SCUBE1: variants seen among roughly 807,000 people sequenced by gnomAD.
The protein encoded by SCUBE1 is signal peptide, CUB and EGF-like domain-containing protein 1.
A neutral mutation model predicts 124.4 loss-of-function variants in SCUBE1; 59 were observed. The ratio of observed to expected loss-of-function variants is 0.47; its 90% CI spans 0.38 to 0.59. The LOEUF (loss-of-function observed/expected upper bound fraction) is 0.59, where lower values mean the gene tolerates loss of function less well. SCUBE1 is among the 20% of genes least tolerant of loss of function. SCUBE1 has a pLI of 0.00. For synonymous variants in SCUBE1, 545 were observed against 550.9 expected (o/e 0.99, Z 0.15); for missense variants, 1,150 against 1,371.2 (o/e 0.84, Z 2.55).
intron 16 of SCUBE1, 43 bp downstream of exon 16, chr22:43,214,047 G>GGGCCCCCCCCCCC: frequency 2.1e-5 from 3 of 143,432 alleles, no homozygotes; most frequent in East Asian, 2.8e-4. Flanking sequence ...AGGAGCCCCC[G>GGGCCCCCCCCCCC]CCCACCCCCC....
intron 4 of SCUBE1, among the ~76,000 whole-genome samples, chr22:43,268,021 C>A (rs1924142536): frequency 6.6e-6 from 1 of 152,236 alleles, no homozygotes; most frequent in African/African-American, 2.4e-5. Flanking sequence ...ACTCTACCCC[C>A]TCTGCTGTGA....
At chr22:43,311,680 G>C (rs960121825) in intron 3 of SCUBE1, among the ~76,000 whole-genome samples, 1 of 151,918 alleles carries the variant, frequency 6.6e-6, no homozygotes, top group Non-Finnish European at 1.5e-5. Context: ...ACCCGCCTCG[G>C]TCTCTCAAAG....
rs1921918300 is a variant in SCUBE1, at chr22:43,218,136, G to A, written c.1891+119C>T. On this transcript the variant is annotated intron_variant, in intron 15 of 21. Coordinates refer to ENST00000360835, the MANE Select transcript of SCUBE1 (RefSeq NM_173050.5). The stretch of plus-strand genomic sequence containing the variant: ...CAGTCCTTCTCCCCGGCAGGCCTCT[G>A]CATCTCTCTGTCCCCTCCCCAGGTG... 7 of 923,942 alleles carry A rather than the reference G, an allele frequency of 7.6e-6. No homozygotes were observed. The Admixed American group carries it at 1.3e-4, about 17-fold the overall frequency. 57.2% of individuals were successfully genotyped at this position (923,942 alleles called of 1,614,324 possible).
At chr22:43,274,626 A>G (rs1463286084) in intron 4 of SCUBE1, among the ~76,000 whole-genome samples, 1 of 152,236 alleles carries the variant, frequency 6.6e-6, no homozygotes, top group Admixed American at 6.5e-5. Flanking sequence ...GTGTTCCCAC[A>G]GCAGCCCTGG....
chr22:43,198,149 A>G lies in SCUBE1; in HGVS notation c.*5848T>C, dbSNP rs1465578910. 9.1e-6 allele frequency: 2 copies of G among 218,580 alleles called. No homozygotes were observed. The highest frequency in any genetic ancestry group is 4.6e-5 in the African/African-American group (2 of 43,472). 13.5% of individuals were successfully genotyped at this position (218,580 alleles called of 1,614,324 possible). A position where few individuals can be genotyped will look rare whatever the true frequency, so the allele number is the denominator to read the frequency against. On this transcript the variant is annotated 3_prime_UTR_variant, in exon 22 of 22. Coordinates refer to ENST00000360835, the MANE Select transcript of SCUBE1 (RefSeq NM_173050.5). ...CATCTACATGGGGCTGGGGGGATGGAATGTGTGGATATTAGAGGGTTGAGC... is the reference window on the plus strand; with the variant it reads ...CATCTACATGGGGCTGGGGGGATGGGATGTGTGGATATTAGAGGGTTGAGC...
chr22:43,263,181 T>C (rs555211760), intron 4 of SCUBE1, among the ~76,000 whole-genome samples: 1 of 152,276 alleles, frequency 6.6e-6, no homozygotes, highest in East Asian at 1.9e-4. Context: ...GAACTACTTT[T>C]GTGTCAGGGT....
Position 43,198,340 on chromosome 22 carries a change from G to A in SCUBE1, c.*5657C>T, listed in dbSNP as rs1920957062. 5.6e-6 allele frequency: 2 copies of A among 359,764 alleles called. No homozygotes were observed. Among genetic ancestry groups the A allele is most frequent in the Admixed American group, 3.7e-5 (1 of 27,104 alleles). 22.3% of individuals were successfully genotyped at this position (359,764 alleles called of 1,614,324 possible). Reference sequence around the variant, plus strand: ...GAGAGGCCTTGAGGCCATCGCAGCAGATGCTGGGAGGGCACGCAGGCCATG... The same window carrying A: ...GAGAGGCCTTGAGGCCATCGCAGCAAATGCTGGGAGGGCACGCAGGCCATG... On this transcript the variant is annotated 3_prime_UTR_variant, in exon 22 of 22. Transcript: ENST00000360835.
intron 1 of SCUBE1, among the ~76,000 whole-genome samples, chr22:43,340,163 C>A (rs370750863): frequency 9.2e-5 from 14 of 152,014 alleles, no homozygotes; most frequent in African/African-American, 3.4e-4. Context: ...CGGGATTCAT[C>A]ATCTGGCTTC....
chr22:43,199,082 T>TGTCTGTCTGTCTGTCTGCTGTCTGGGGCA lies in SCUBE1; in HGVS notation c.*4914_*4915insTGCCCCAGACAGCAGACAGACAGACAGAC, dbSNP rs1402144169. 1 of 325,354 alleles carries TGTCTGTCTGTCTGTCTGCTGTCTGGGGCA rather than the reference T, an allele frequency of 3.1e-6. No homozygotes were observed. Among genetic ancestry groups the TGTCTGTCTGTCTGTCTGCTGTCTGGGGCA allele is most frequent in the African/African-American group, 2.7e-5 (1 of 36,578 alleles). The allele number at this position is 325,354 out of a possible 1,614,324, so 20.2% of individuals were successfully genotyped here. A position where few individuals can be genotyped will look rare whatever the true frequency, so the allele number is the denominator to read the frequency against. ...TGTCTGTCTGCTGTCCGGGGCAGTT[T>TGTCTGTCTGTCTGTCTGCTGTCTGGGGCA]GTTTGTCTGTCTGCTGTCTGGGGCA... On this transcript the variant is annotated 3_prime_UTR_variant, in exon 22 of 22. Transcript: ENST00000360835.
intron 2 of SCUBE1, among the ~76,000 whole-genome samples, chr22:43,338,700 T>G (rs1477353532): frequency 1.3e-5 from 2 of 152,044 alleles, no homozygotes; most frequent in Non-Finnish European, 2.9e-5. Flanking sequence ...TAACTTTTTT[T>G]GTATTTGTTG....
chr22:43,224,146 T>C (rs1183070307), intron 10 of SCUBE1, among the ~76,000 whole-genome samples: 1 of 152,250 alleles, frequency 6.6e-6, no homozygotes, highest in African/African-American at 2.4e-5. Flanking sequence ...AAGATTGTTT[T>C]AGAAACCCTT....
intron 4 of SCUBE1, among the ~76,000 whole-genome samples, chr22:43,287,647 G>A (rs1436672148): frequency 9.2e-5 from 14 of 152,214 alleles, no homozygotes; most frequent in Non-Finnish European, 1.8e-4. Context: ...TTTTCTCCCT[G>A]TTCAGGGGTA....
At chr22:43,302,060 G>A (rs903719991) in intron 3 of SCUBE1, among the ~76,000 whole-genome samples, 1 of 152,214 alleles carries the variant, frequency 6.6e-6, no homozygotes, top group African/African-American at 2.4e-5. Context: ...GGGTGTGTGG[G>A]TGGGTCAGGG....
intron 15 of SCUBE1, among the ~76,000 whole-genome samples, chr22:43,217,918 C>T (rs1011927710): frequency 3.9e-5 from 6 of 152,220 alleles, no homozygotes; most frequent in African/African-American, 1.4e-4. Flanking sequence ...AACGTGACTT[C>T]TCCTCCAGGA....
At chr22:43,294,421 C>T (rs1334727374) in intron 3 of SCUBE1, among the ~76,000 whole-genome samples, 1 of 151,872 alleles carries the variant, frequency 6.6e-6, no homozygotes, top group African/African-American at 2.4e-5. Flanking sequence ...ACAGACTGGG[C>T]TCACTTGGAG....
chr22:43,251,369 G>A (rs1278634699), intron 6 of SCUBE1, among the ~76,000 whole-genome samples: 4 of 152,208 alleles, frequency 2.6e-5, no homozygotes, highest in African/African-American at 9.7e-5. Context: ...TCTGTTTTAG[G>A]CAGAATAATG....
At chr22:43,225,884 G>A (rs1376909995) in intron 10 of SCUBE1, among the ~76,000 whole-genome samples, 1 of 152,088 alleles carries the variant, frequency 6.6e-6, no homozygotes, top group Non-Finnish European at 1.5e-5. Context: ...ATGCTTGTAA[G>A]ACGGAGATCC....
At chr22:43,287,159 G>A (rs567216017) in intron 4 of SCUBE1, among the ~76,000 whole-genome samples, 79 of 152,294 alleles carry the variant, frequency 5.2e-4, no homozygotes, top group African/African-American at 1.6e-3. Flanking sequence ...AGCAGTGCTC[G>A]GAAGTGCTGA....
chr22:43,206,796 G>C (rs1921306410), intron 21 of SCUBE1, among the ~76,000 whole-genome samples: 1 of 152,166 alleles, frequency 6.6e-6, no homozygotes, highest in Non-Finnish European at 1.5e-5. Flanking sequence ...GGAGCTGGGG[G>C]GACAGAGATT....
Sources: allele counts gnomAD v4.1 joint callset (sites outside exome capture counted in the v4.1 genomes callset), GRCh38; gene constraint gnomAD v4.1.1; transcripts MANE v1.5; gene names NCBI Gene and HGNC (gene_info 2026-07-23, HGNC 2026-07-21).